Variants in PDZRN3 observed in about 807,000 individuals in gnomAD.
PDZRN3 encodes E3 ubiquitin-protein ligase PDZRN3.
Under a neutral mutation model 85.7 loss-of-function variants are expected in PDZRN3, and 38 were observed. The observed-to-expected ratio is 0.44, with a 90% confidence interval of 0.34 to 0.58. The LOEUF is 0.58. Among genes scored for constraint, PDZRN3 ranks in the 20% least tolerant of loss-of-function variants. The pLI, the probability that PDZRN3 is intolerant of heterozygous loss-of-function variation, is 0.01. For missense variants in PDZRN3, 1,629 were observed against 1,506.4 expected (o/e 1.08, Z -1.35); for synonymous variants, 759 against 638.0 (o/e 1.19, Z -2.86).
At chr3:73,489,575 C>CTTTTTCTTTTTTTTTTT (rs1553694902) in intron 3 of PDZRN3, among the ~76,000 whole-genome samples, 1 of 80,096 alleles carries the variant, frequency 1.2e-5, no homozygotes, top group African/African-American at 4.8e-5. Flanking sequence ...AGTTTCTTTT[C>CTTTTTCTTTTTTTTTTT]TTTTTTTTTT....
chr3:73,517,752 T>C (rs1418405633), intron 3 of PDZRN3, among the ~76,000 whole-genome samples: 2 of 152,248 alleles, frequency 1.3e-5, no homozygotes, highest in African/African-American at 4.8e-5. Context: ...TATAATACTT[T>C]GGTAATATGT....
Position 73,384,823 on chromosome 3 carries a change from G to C in PDZRN3, c.1743C>G (p.Asp581Glu), listed in dbSNP as rs372613043. The change falls in exon 10 of 10, where the codon GAC (aspartate) becomes GAG (glutamate). Residue 581 changes from aspartate to glutamate, a missense_variant. By Grantham distance (45) the Asp-to-Glu change is conservative. Transcript: ENST00000263666. The part of the protein sequence containing the change: ...VGRTDESTRN[D>E]ESSEQENNGD... ...CATTGTTCTCTTGCTCCGAGCTCTCGTCATTACGGGTGCTCTCGTCGGTCC... is the reference window on the plus strand; with the variant it reads ...CATTGTTCTCTTGCTCCGAGCTCTCCTCATTACGGGTGCTCTCGTCGGTCC... 6 of 1,614,094 alleles carry C rather than the reference G, an allele frequency of 3.7e-6. No individual in the cohort carries two copies. The highest frequency in any genetic ancestry group is 2.2e-5 in the South Asian group (2 of 91,090).
At chr3:73,386,792 T>C (rs1701400546) in intron 8 of PDZRN3, among the ~76,000 whole-genome samples, 1 of 152,130 alleles carries the variant, frequency 6.6e-6, no homozygotes, top group African/African-American at 2.4e-5. Flanking sequence ...ATTGCTGAAG[T>C]TCCCTTTGAG....
chr3:73,532,831 T>C (rs1049891133), intron 3 of PDZRN3, among the ~76,000 whole-genome samples: 7 of 152,166 alleles, frequency 4.6e-5, no homozygotes, highest in Non-Finnish European at 4.4e-5. Context: ...GGGTCAATGG[T>C]CTATTGTGGT....
intron 3 of PDZRN3, among the ~76,000 whole-genome samples, chr3:73,489,575 C>CGTTTTTTTTTTTTTTTTTTTT (rs1703730469): frequency 1.2e-5 from 1 of 80,096 alleles, no homozygotes; most frequent in Non-Finnish European, 2.3e-5. Context: ...AGTTTCTTTT[C>CGTTTTTTTTTTTTTTTTTTTT]TTTTTTTTTT....
chr3:73,391,091 C>A lies in PDZRN3; in HGVS notation c.1280G>T (p.Ser427Ile). 1 of 1,613,546 alleles carries A rather than the reference C, an allele frequency of 6.2e-7. No homozygotes were observed. Among genetic ancestry groups the A allele is most frequent in the South Asian group, 1.1e-5 (1 of 91,042 alleles). ...LEEVDLYRMN[S>I]QDKLGLTVCY... ...CACAGTGAGGCCCAGCTTGTCCTGGCTGTTCATTCTGTAGAGGTCCACTTC... is the reference window on the plus strand; with the variant it reads ...CACAGTGAGGCCCAGCTTGTCCTGGATGTTCATTCTGTAGAGGTCCACTTC... Residue 427 changes from serine to isoleucine, a missense_variant, in exon 6 of 10, where the codon AGC becomes ATC. Physicochemically the swap from Ser to Ile is moderately radical, Grantham distance 142. Coordinates refer to ENST00000263666, the MANE Select transcript of PDZRN3 (RefSeq NM_015009.3).
intron 3 of PDZRN3, among the ~76,000 whole-genome samples, chr3:73,447,001 A>G (rs1369797688): frequency 1.3e-5 from 2 of 149,252 alleles, no homozygotes; most frequent in Admixed American, 6.7e-5. Context: ...ATTCGGATGG[A>G]CGTGAGCTGA....
Position 73,602,382 on chromosome 3 carries a change from C to G in PDZRN3, c.890G>C (p.Gly297Ala). The G allele has an allele frequency of 1.2e-6, 2 of 1,603,596 alleles. No homozygotes were observed. The highest frequency in any genetic ancestry group is 1.1e-5 in the South Asian group (1 of 90,820). The stretch of plus-strand genomic sequence containing the variant: ...AATAATCCTGTCATGAATTTGCAGG[C>G]CTCCTTCCTTGGCTGCAGGCCCACT... ...VDSGPAAKEG[G>A]LQIHDRIIEV... Residue 297 changes from glycine (G) to alanine (A), a missense_variant, in exon 3 of 10, where the codon GGC becomes GCC. Coordinates refer to ENST00000263666, the MANE Select transcript of PDZRN3 (RefSeq NM_015009.3).
At chr3:73,604,276 A>C (rs1702561089) in intron 2 of PDZRN3, among the ~76,000 whole-genome samples, 1 of 152,240 alleles carries the variant, frequency 6.6e-6, no homozygotes, top group South Asian at 2.1e-4. Context: ...ATAAAGCTGC[A>C]AAGCAGCTTC....
At chr3:73,604,362 C>T (rs1168207186) in intron 2 of PDZRN3, among the ~76,000 whole-genome samples, 1 of 152,192 alleles carries the variant, frequency 6.6e-6, no homozygotes, top group African/African-American at 2.4e-5. Flanking sequence ...ACAATAACCA[C>T]AAGTGGTAAG....
chr3:73,555,889 T>C (rs1701682930), intron 3 of PDZRN3, among the ~76,000 whole-genome samples: 3 of 152,212 alleles, frequency 2.0e-5, no homozygotes, highest in Admixed American at 6.5e-5. Flanking sequence ...TCCTTATTGT[T>C]CTTACACACA....
intron 3 of PDZRN3, among the ~76,000 whole-genome samples, chr3:73,478,546 A>G (rs924113829): frequency 2.0e-5 from 3 of 150,966 alleles, no homozygotes; most frequent in African/African-American, 7.3e-5. Context: ...TAATAATAAT[A>G]TAATAATAAT....
At chr3:73,416,880 T>G (rs1280800552) in intron 3 of PDZRN3, among the ~76,000 whole-genome samples, 302 of 12,918 alleles carry the variant, frequency 0.023, 3 homozygotes, top group East Asian at 0.23. Flanking sequence ...TTTTTGGTTT[T>G]TTTTTTTTTT....
chr3:73,553,623 A>G (rs533814641), intron 3 of PDZRN3, among the ~76,000 whole-genome samples: 3 of 152,226 alleles, frequency 2.0e-5, no homozygotes, highest in African/African-American at 7.2e-5. Context: ...AGACAAGGAA[A>G]CTAAAGGGCA....
chr3:73,537,167 A>G (rs1195754462), intron 3 of PDZRN3, among the ~76,000 whole-genome samples: 1 of 151,160 alleles, frequency 6.6e-6, no homozygotes, highest in Non-Finnish European at 1.5e-5. Context: ...AATGTACACC[A>G]CTCCTGAGCC....
At chr3:73,412,362 A>C (rs564864861) in intron 3 of PDZRN3, among the ~76,000 whole-genome samples, 1 of 152,318 alleles carries the variant, frequency 6.6e-6, no homozygotes, top group South Asian at 2.1e-4. Flanking sequence ...CTACAATAAA[A>C]TTTCTACTCT....
intron 2 of PDZRN3, among the ~76,000 whole-genome samples, chr3:73,607,140 C>G (rs1255698819): frequency 1.3e-5 from 2 of 152,344 alleles, no homozygotes; most frequent in East Asian, 3.9e-4. Flanking sequence ...CGTCCAACCG[C>G]TTTCTTCTAG....
chr3:73,397,013 TTTTA>T (rs776450411), intron 5 of PDZRN3, among the ~76,000 whole-genome samples: 10 of 151,422 alleles, frequency 6.6e-5, no homozygotes, highest in Non-Finnish European at 1.3e-4. Context: ...TCTGTTTTTC[TTTTA>T]TTTCTTTCTT....
intron 5 of PDZRN3, among the ~76,000 whole-genome samples, chr3:73,398,768 C>A (rs1701690544): frequency 6.6e-6 from 1 of 152,122 alleles, no homozygotes; most frequent in African/African-American, 2.4e-5. Context: ...TTATTGAGCA[C>A]CAGGATTTAA....
Sources: allele counts gnomAD v4.1 joint callset (sites outside exome capture counted in the v4.1 genomes callset), GRCh38; gene constraint gnomAD v4.1.1; transcripts MANE v1.5; gene names NCBI Gene and HGNC (gene_info 2026-07-23, HGNC 2026-07-21).